PRR5: variants seen among roughly 807,000 people sequenced by gnomAD.
The protein encoded by PRR5 is proline rich 5.
PRR5 carries 25 observed loss-of-function variants against 30.6 expected under a neutral mutation model. The ratio of observed to expected loss-of-function variants is 0.82; its 90% confidence interval spans 0.60 to 1.14. The LOEUF is 1.14. Ranked by LOEUF, PRR5 falls within the 50% of genes most tolerant of loss-of-function variation. PRR5 has a pLI of 0.00. For synonymous variants in PRR5, 286 were observed against 247.1 expected (o/e 1.16, Z -1.48); for missense variants, 600 against 547.1 (o/e 1.10, Z -0.96).
At chr22:44,735,268 T>C in intron 7 of PRR5, 106 bp downstream of exon 7, 1 of 1,377,712 alleles carries the variant, frequency 7.3e-7, no homozygotes. Flanking sequence ...AGGATCTGAC[T>C]CCAGACTGGT....
chr22:44,710,259 A>G (rs1176772049), intron 1 of PRR5, among the ~76,000 whole-genome samples: 2 of 149,210 alleles, frequency 1.3e-5, no homozygotes, highest in African/African-American at 4.9e-5. Flanking sequence ...CTCCCTAAGG[A>G]TCCTCCCCTT....
At chr22:44,685,689 G>A (rs1924686621) in intron 1 of PRR5, among the ~76,000 whole-genome samples, 1 of 152,172 alleles carries the variant, frequency 6.6e-6, no homozygotes, top group African/African-American at 2.4e-5. Flanking sequence ...ACTCTGCCAG[G>A]CGTGGGCTGT....
upstream of PRR5, among the ~76,000 whole-genome samples, chr22:44,675,110 C>T (rs1389956274): frequency 6.6e-6 from 1 of 150,628 alleles, no homozygotes; most frequent in African/African-American, 2.4e-5. Flanking sequence ...ATTAGCCGGG[C>T]GTGGTGGCAG....
At position 44,729,272 on chromosome 22, in the gene PRR5, C is replaced by G. The variant is rs909025988; in HGVS notation, c.323-2458C>G. On this transcript the variant is annotated intron_variant, in intron 4 of 7. Transcript: ENST00000336985. ...CACTGCCCTGCGCTCCTCACTGTTC[C>G]TGAGTCTCCCGACGGGCTGAAACAG... 24 of 926,096 alleles carry G rather than the reference C, an allele frequency of 2.6e-5. No individual in the cohort carries two copies. In the African/African-American group the frequency reaches 3.9e-4, roughly 15 times the overall value. 57.4% of individuals were successfully genotyped at this position (926,096 alleles called of 1,614,324 possible).
chr22:44,723,562 A>G (rs1930258966), intron 2 of PRR5, among the ~76,000 whole-genome samples: 1 of 151,956 alleles, frequency 6.6e-6, no homozygotes, highest in Non-Finnish European at 1.5e-5. Flanking sequence ...TCTACTAAAA[A>G]TACAAAAATT....
intron 1 of PRR5, among the ~76,000 whole-genome samples, chr22:44,696,387 T>C (rs1925746409): frequency 6.6e-6 from 1 of 152,302 alleles, no homozygotes. Flanking sequence ...ATAAAACACC[T>C]GCCCCAGAAG....
intron 1 of PRR5, among the ~76,000 whole-genome samples, chr22:44,679,050 A>C (rs994251774): frequency 3.9e-5 from 6 of 152,166 alleles, no homozygotes; most frequent in African/African-American, 1.4e-4. Flanking sequence ...GGTCAGGAGC[A>C]CTGGCCTCCA....
intron 1 of PRR5, 34 bp from the exon 2 acceptor site, chr22:44,714,557 C>T: frequency 6.2e-7 from 1 of 1,610,180 alleles, no homozygotes; most frequent in Non-Finnish European, 8.5e-7. Context: ...TCTCAGACCT[C>T]AGGACTGCAG....
Position 44,731,695 on chromosome 22 carries a change from G to A in PRR5, c.323-35G>A, listed in dbSNP as rs745495048. 6 of 1,608,710 alleles carry A rather than the reference G, an allele frequency of 3.7e-6. No individual in the cohort carries two copies. In the Admixed American group the frequency reaches 8.3e-5, roughly 22 times the overall value. Reference sequence around the variant, plus strand: ...TGAGTGGAGGCATCTGCCCGCGCCAGTCAGGCCCAGTGGTGATGGCCCCCA... The same window carrying A: ...TGAGTGGAGGCATCTGCCCGCGCCAATCAGGCCCAGTGGTGATGGCCCCCA... On this transcript the variant is annotated intron_variant, in intron 4 of 7. Coordinates refer to ENST00000336985, the MANE Select transcript of PRR5 (RefSeq NM_181333.4).
Position 44,735,058 on chromosome 22 carries a change from A to G in PRR5, c.587A>G (p.Asp196Gly). ...GVHESRGVTE[D>G]YLRLETLVQK... ...CATGAGTCCAGGGGCGTGACTGAGG[A>G]CTACCTGCGCCTGGAGACGCTGGTC... The change falls in exon 7 of 8, where the codon GAC becomes GGC. Residue 196 changes from aspartate (D) to glycine (G), a missense_variant. By Grantham distance (94) the Asp-to-Gly change is moderately conservative. Transcript: ENST00000336985. 2 of 1,612,510 alleles carry G rather than the reference A, an allele frequency of 1.2e-6. No individual in the cohort carries two copies. Among genetic ancestry groups the G allele is most frequent in the Non-Finnish European group, 1.7e-6 (2 of 1,179,310 alleles).
intron 4 of PRR5, chr22:44,729,369 T>G: frequency 3.0e-6 from 3 of 985,268 alleles, no homozygotes; most frequent in Non-Finnish European, 3.6e-6. Context: ...GACACCAGCC[T>G]GCGCCCACAG....
chr22:44,692,637 T>C (rs1219657490), intron 1 of PRR5, among the ~76,000 whole-genome samples: 2 of 152,316 alleles, frequency 1.3e-5, no homozygotes, highest in Non-Finnish European at 2.9e-5. Flanking sequence ...CAGTGTGAAC[T>C]CTGACATCCC....
Position 44,693,458 on chromosome 22 carries a change from C to CAAAAAAAAAAA in PRR5, c.-10-9025_-10-9024insAAAAAAAAAAA, listed in dbSNP as rs1216543034. ...TGGGTGACAGAGCAAGACCCTGTCT[C>CAAAAAAAAAAA]AAAAAAAAAGTGTCAGCAGAGCCAA... On this transcript the variant is annotated intron_variant, in intron 1 of 8. Transcript: ENST00000006251. Among the ~76,000 whole-genome samples, 29 of 147,858 alleles carry CAAAAAAAAAAA rather than the reference C, an allele frequency of 2.0e-4. 1 individual carries two copies. The highest frequency in any genetic ancestry group is 6.9e-4 in the African/African-American group (27 of 39,080).
chr22:44,712,286 G>T (rs1039536895), intron 1 of PRR5, among the ~76,000 whole-genome samples: 8 of 152,184 alleles, frequency 5.3e-5, no homozygotes, highest in Admixed American at 4.6e-4. Flanking sequence ...GCCAGTGCCC[G>T]CTGAGAAGCT....
chr22:44,697,256 C>G (rs567394510), upstream of PRR5, among the ~76,000 whole-genome samples: 2 of 152,310 alleles, frequency 1.3e-5, no homozygotes, highest in South Asian at 4.1e-4. Flanking sequence ...CCTGGGCTCC[C>G]CCAGCGTGGT....
upstream of PRR5, among the ~76,000 whole-genome samples, chr22:44,701,084 G>A (rs1175885349): frequency 6.6e-6 from 1 of 152,154 alleles, no homozygotes; most frequent in African/African-American, 2.4e-5. Context: ...GTTTCTCCAT[G>A]TTGGCCGGGC....
In PRR5 at chr22:44,683,566, C is replaced by G. The variant is rs1042785617; in HGVS notation, c.-11+6326C>G. ...AGCCTTCCTCCCACGCCCAGCACCC[C>G]GAAGGAGGGCAGGGGCTGGGGGGAG... On this transcript the variant is annotated intron_variant, in intron 1 of 8. Coordinates refer to the PRR5 transcript ENST00000006251. Among the ~76,000 whole-genome samples, 5 of 152,202 alleles carry G rather than the reference C, an allele frequency of 3.3e-5. 1 individual carries two copies. The South Asian group carries it at 6.2e-4, about 19-fold the overall frequency.
chr22:44,710,164 CG>C (rs1927948563), intron 1 of PRR5, among the ~76,000 whole-genome samples: 1 of 152,156 alleles, frequency 6.6e-6, no homozygotes, highest in African/African-American at 2.4e-5. Context: ...ACAGGGCCCC[CG>C]GATCAGCCCC....
At chr22:44,695,040 A>G (rs1371018463) in intron 1 of PRR5, among the ~76,000 whole-genome samples, 1 of 152,082 alleles carries the variant, frequency 6.6e-6, no homozygotes, top group Non-Finnish European at 1.5e-5. Context: ...GCGTGGTGGC[A>G]GGCACCTGTA....
Sources: allele counts gnomAD v4.1 joint callset (sites outside exome capture counted in the v4.1 genomes callset), GRCh38; gene constraint gnomAD v4.1.1; transcripts MANE v1.5; gene names NCBI Gene and HGNC (gene_info 2026-07-23, HGNC 2026-07-21).